Variants in EFCAB6 observed in about 807,000 individuals in gnomAD.
EFCAB6 encodes the protein EF-hand calcium-binding domain-containing protein 6.
EFCAB6 carries 156 observed loss-of-function variants against 169.8 expected under a neutral mutation model. The observed-to-expected ratio is 0.92, with a 90% confidence interval of 0.81 to 1.05. The LOEUF is 1.05. Ranked by LOEUF, EFCAB6 falls within the 50% of genes least tolerant of loss-of-function variation. EFCAB6 has a pLI of 0.00. For synonymous variants in EFCAB6, 698 were observed against 676.4 expected (o/e 1.03, Z -0.50); for missense variants, 1,800 against 1,829.1 (o/e 0.98, Z 0.29).
intron 13 of EFCAB6, among the ~76,000 whole-genome samples, chr22:43,675,859 CAT>C (rs981461725): frequency 1.1e-4 from 17 of 151,080 alleles, no homozygotes; most frequent in South Asian, 1.0e-3. Flanking sequence ...AAAATGCCCA[CAT>C]GTTTTGGGCC....
chr22:43,554,108 T>A (rs1200461714), intron 27 of EFCAB6: 1 of 152,380 alleles, frequency 6.6e-6, no homozygotes, highest in African/African-American at 2.4e-5. Context: ...CTGCCCACCT[T>A]CTTTGGACCA....
chr22:43,731,700 T>C lies in EFCAB6; in HGVS notation c.756A>G (p.Gln252=), dbSNP rs770874571. The change falls in exon 8 of 32, where the codon CAA becomes CAG. Residue 252 remains glutamine, a splice_region_variant and synonymous_variant. Transcript: ENST00000262726. ...GCTATATACTTTAAAAATACTTACCTTGATTTCCCATACAATATCTAAGGT... is the reference window on the plus strand; with the variant it reads ...GCTATATACTTTAAAAATACTTACCCTGATTTCCCATACAATATCTAAGGT... ...DLNLRYCMGN[Q]EVSLENQQAK... 15 of 1,569,144 alleles carry C rather than the reference T, an allele frequency of 9.6e-6. No homozygotes were observed. The highest frequency in any genetic ancestry group is 1.8e-4 in the Middle Eastern group (1 of 5,700).
Position 43,795,207 on chromosome 22 carries a change from T to C in EFCAB6, c.-7-12882A>G, listed in dbSNP as rs2062459205. On this transcript the variant is annotated intron_variant, in intron 2 of 31. Transcript: ENST00000262726. This position sits in a 1 kb window ranked among gnomAD's most constrained non-coding sequence, Gnocchi z 4.2. ...TGCTATAACTGGTAACTAGAAAATATGTAGAAATATCAGAACACGTTTAGG... is the reference window on the plus strand; with the variant it reads ...TGCTATAACTGGTAACTAGAAAATACGTAGAAATATCAGAACACGTTTAGG... Among the ~76,000 whole-genome samples the C allele has an allele frequency of 6.6e-6, 1 of 152,164 alleles. No individual in the cohort carries two copies. The highest frequency in any genetic ancestry group is 1.5e-5 in the Non-Finnish European group (1 of 68,030).
chr22:43,602,042 G>A (rs544651736), intron 22 of EFCAB6, among the ~76,000 whole-genome samples: 7 of 152,358 alleles, frequency 4.6e-5, no homozygotes, highest in Admixed American at 2.0e-4. Context: ...GCAGATAGAG[G>A]GCTCTAGGTA....
intron 23 of EFCAB6, among the ~76,000 whole-genome samples, chr22:43,591,610 A>G (rs531263050): frequency 2.0e-5 from 3 of 152,312 alleles, no homozygotes; most frequent in South Asian, 2.1e-4. Flanking sequence ...CCTACTTTCT[A>G]TAACAGGAAC....
intron 10 of EFCAB6, among the ~76,000 whole-genome samples, chr22:43,703,653 T>A (rs533872756): frequency 6.7e-6 from 1 of 149,750 alleles, no homozygotes; most frequent in African/African-American, 2.5e-5. Flanking sequence ...GACAAAGAAA[T>A]AGAAACAATT....
rs1442568118 is a variant in EFCAB6 at position 43,635,174 on chromosome 22, C to T, written c.2026G>A (p.Ala676Thr). 1 of 1,614,014 alleles carries T rather than the reference C, an allele frequency of 6.2e-7. No individual in the cohort carries two copies. The highest frequency in any genetic ancestry group is 8.5e-7 in the Non-Finnish European group (1 of 1,180,026). The change falls in exon 18 of 32, where the codon GCC (alanine) becomes ACC (threonine). Residue 676 changes from alanine to threonine, a missense_variant. Ala to Thr is a moderately conservative substitution (Grantham distance 58, BLOSUM62 0). Coordinates refer to ENST00000262726, the MANE Select transcript of EFCAB6 (RefSeq NM_022785.4). The part of the protein sequence containing the change: ...TGMPMDDDQY[A>T]LLTTKIGFEK... ...AAGCCTATTTTAGTGGTCAGCAGGG[C>T]ATACTGATCATCGTCCATGGGCATC...
chr22:43,686,693 G>A (rs188034650), intron 11 of EFCAB6, among the ~76,000 whole-genome samples: 11 of 152,158 alleles, frequency 7.2e-5, no homozygotes, highest in East Asian at 3.9e-4. Flanking sequence ...ACAAATCCCC[G>A]AGACAGGGAC....
Position 43,540,174 on chromosome 22 carries a change from G to A in EFCAB6, c.3832C>T (p.Pro1278Ser). 6.2e-7 allele frequency: 1 copy of A among 1,614,188 alleles called. No individual in the cohort carries two copies. Among genetic ancestry groups the A allele is most frequent in the Non-Finnish European group, 8.5e-7 (1 of 1,180,036 alleles). ...SEGTRSALSL[P>S]TQELRPGSKS... ...GACCCTGGTCTCAGCTCCTGAGTGG[G>A]CAATGAGAGGGCAGATCTGGTGCCT... Residue 1278 changes from proline to serine, a missense_variant, in exon 28 of 32, where the codon CCC (proline) becomes TCC (serine). By Grantham distance (74) the Pro-to-Ser change is moderately conservative (BLOSUM62 -1). Coordinates refer to ENST00000262726, the MANE Select transcript of EFCAB6 (RefSeq NM_022785.4).
chr22:43,683,581 T>C, intron 12 of EFCAB6, 166 bp downstream of exon 12: 2 of 593,192 alleles, frequency 3.4e-6, no homozygotes, highest in Admixed American at 3.0e-5. Flanking sequence ...GCTCGGGGCT[T>C]CTATCCCTAA....
chr22:43,710,867 A>G (rs940451209), intron 10 of EFCAB6, among the ~76,000 whole-genome samples: 1 of 152,208 alleles, frequency 6.6e-6, no homozygotes, highest in African/African-American at 2.4e-5. Flanking sequence ...GGAGGGAGAT[A>G]GGGAAACATG....
chr22:43,797,523 A>G (rs538877664), intron 2 of EFCAB6, among the ~76,000 whole-genome samples: 4 of 152,140 alleles, frequency 2.6e-5, no homozygotes, highest in Non-Finnish European at 5.9e-5. Context: ...ATTTCACACT[A>G]AATTGTAGGA....
chr22:43,576,515 T>C lies in EFCAB6; in HGVS notation c.3229-27A>G, dbSNP rs2050268862. On this transcript the variant is annotated intron_variant, in intron 25 of 31. Coordinates refer to ENST00000262726, the MANE Select transcript of EFCAB6 (RefSeq NM_022785.4). ...TAAAAAGAAAGAAAAGAAAAAAAGA[T>C]GGCAAATCCTGTCAAATGAATACTT... 2.7e-6 allele frequency: 4 copies of C among 1,499,262 alleles called. No homozygotes were observed. In the South Asian group the frequency reaches 4.2e-5, roughly 16 times the overall value. 92.9% of individuals were successfully genotyped at this position (1,499,262 alleles called of 1,614,324 possible). A position where few individuals can be genotyped will look rare whatever the true frequency, so the allele number is the denominator to read the frequency against.
intron 17 of EFCAB6, among the ~76,000 whole-genome samples, chr22:43,639,251 G>A (rs1248880344): frequency 6.6e-6 from 1 of 152,180 alleles, no homozygotes. Context: ...GGACAGCCAA[G>A]TCTTCCTAGT....
chr22:43,552,532 T>C (rs926322241), intron 27 of EFCAB6: 1 of 152,214 alleles, frequency 6.6e-6, no homozygotes, highest in African/African-American at 2.4e-5. Flanking sequence ...CTCACTGTGG[T>C]TTTAATTTGC....
chr22:43,753,517 G>A (rs5764272), intron 6 of EFCAB6, among the ~76,000 whole-genome samples: 133,565 of 152,120 alleles, frequency 0.88, 58,688 homozygotes, highest in East Asian at 0.99. Context: ...CAGTCACCAA[G>A]GATGGAGAGA....
intron 10 of EFCAB6, among the ~76,000 whole-genome samples, chr22:43,702,655 C>A (rs2058810215): frequency 6.6e-6 from 1 of 152,128 alleles, no homozygotes; most frequent in African/African-American, 2.4e-5. Flanking sequence ...CATGGCTAGA[C>A]CATCTGGAGT....
intron 5 of EFCAB6, among the ~76,000 whole-genome samples, chr22:43,764,907 C>T (rs574496849): frequency 4.6e-5 from 5 of 108,922 alleles, no homozygotes; most frequent in South Asian, 3.8e-4. Context: ...TTTCTAGCCA[C>T]GAAAACATCA....
intron 2 of EFCAB6, among the ~76,000 whole-genome samples, chr22:43,784,511 A>ATT (rs1382847722): frequency 1.1e-5 from 1 of 91,372 alleles, no homozygotes; most frequent in South Asian, 3.9e-4. Flanking sequence ...AAATATATAT[A>ATT]TGTGTGTGTG....
Sources: gnomAD v4.1 joint callset for allele counts (sites outside exome capture counted in the v4.1 genomes callset) on GRCh38, gnomAD v4.1.1 for gene constraint, Gnocchi (gnomAD v3.1) non-coding constraint, MANE v1.5 for transcripts, NCBI Gene and HGNC (gene_info 2026-07-23, HGNC 2026-07-21) for gene names.